The following C8orf34 variants were observed in gnomAD, a reference collection of about 807,000 sequenced individuals.
The protein encoded by C8orf34 is uncharacterized protein C8orf34.
In C8orf34, 65 loss-of-function variants were observed where a neutral mutation model predicts 68.3. The ratio of observed to expected loss-of-function variants is 0.95; its 90% CI spans 0.78 to 1.17. The LOEUF (loss-of-function observed/expected upper bound fraction) is 1.17. Among genes scored for constraint, C8orf34 ranks in the 50% most tolerant of loss-of-function variants. The probability of loss-of-function intolerance (pLI) is 0.00; values close to 1 mark genes in which losing one functional copy is unlikely to be tolerated. For missense variants in C8orf34, 664 were observed against 655.4 expected, an observed-to-expected ratio of 1.01 and a Z score of -0.14; for synonymous variants, 244 against 241.2, an observed-to-expected ratio of 1.01 and a Z score of -0.11.
intron 7 of C8orf34, among the ~76,000 whole-genome samples, chr8:68,595,480 G>A (rs1337613379): frequency 1.3e-5 from 2 of 151,842 alleles, no homozygotes; most frequent in African/African-American, 4.8e-5. Flanking sequence ...TCTATTTTTT[G>A]TCTCTCAATG....
chr8:68,438,515 CT>C (rs1462045462), intron 1 of C8orf34: 1 of 152,070 alleles, frequency 6.6e-6, no homozygotes, highest in Non-Finnish European at 1.5e-5. Context: ...TGTTAGCTCT[CT>C]TAATATCTGA....
intron 10 of C8orf34, among the ~76,000 whole-genome samples, chr8:68,768,504 G>A (rs1316337504): frequency 4.6e-5 from 7 of 151,902 alleles, no homozygotes; most frequent in Admixed American, 4.6e-4. Flanking sequence ...ATTTAACCTC[G>A]TTTCTTGTAT....
intron 8 of C8orf34, among the ~76,000 whole-genome samples, chr8:68,684,823 TTTTA>T (rs917585103): frequency 3.3e-5 from 5 of 152,006 alleles, no homozygotes; most frequent in Non-Finnish European, 7.4e-5. Context: ...CCCTTTTTGG[TTTTA>T]TTTGAGACTG....
intron 8 of C8orf34, among the ~76,000 whole-genome samples, chr8:68,706,148 C>G (rs559542641): frequency 1.3e-5 from 2 of 152,264 alleles, no homozygotes; most frequent in South Asian, 4.1e-4. Flanking sequence ...TTATAGTCAC[C>G]AATCCTAGAA....
At chr8:68,752,807 C>T (rs760700106) in intron 10 of C8orf34, among the ~76,000 whole-genome samples, 8 of 151,980 alleles carry the variant, frequency 5.3e-5, no homozygotes, top group Non-Finnish European at 1.0e-4. Context: ...TATAAAATAG[C>T]GGTGGAATTC....
intron 3 of C8orf34, among the ~76,000 whole-genome samples, chr8:68,462,228 C>T (rs1811869937): frequency 1.3e-5 from 2 of 152,096 alleles, no homozygotes; most frequent in Non-Finnish European, 2.9e-5. Flanking sequence ...ATCAATTCAA[C>T]AAGAAGAGCT....
intron 8 of C8orf34, among the ~76,000 whole-genome samples, chr8:68,692,016 T>C (rs1045288336): frequency 5.3e-5 from 8 of 152,004 alleles, no homozygotes; most frequent in African/African-American, 1.9e-4. Context: ...GTGACAAATA[T>C]TAAATATTTG....
chr8:68,382,443 A>G (rs1808082880), intron 1 of C8orf34, among the ~76,000 whole-genome samples: 1 of 152,236 alleles, frequency 6.6e-6, no homozygotes, highest in Admixed American at 6.5e-5. Flanking sequence ...CATTCTCACT[A>G]GCCAGATTTC....
chr8:68,436,440 A>G (rs945921208), intron 1 of C8orf34, among the ~76,000 whole-genome samples: 2 of 152,192 alleles, frequency 1.3e-5, no homozygotes, highest in African/African-American at 4.8e-5. Context: ...TAAAATTAAC[A>G]CCTACATTTT....
At chr8:68,794,482 AATATAT>A (rs1242445585) in intron 12 of C8orf34, among the ~76,000 whole-genome samples, 3 of 89,392 alleles carry the variant, frequency 3.4e-5, no homozygotes, top group Admixed American at 1.1e-4. Context: ...TATAAATATA[AATATAT>A]ATATATATAT....
intron 1 of C8orf34, among the ~76,000 whole-genome samples, chr8:68,370,488 A>C (rs545766012): frequency 1.3e-5 from 2 of 152,250 alleles, no homozygotes; most frequent in East Asian, 3.9e-4. Context: ...CCTATCAAGG[A>C]GACTGTCTTG....
At chr8:68,650,818 G>T (rs1220382959) in intron 8 of C8orf34, among the ~76,000 whole-genome samples, 1 of 152,092 alleles carries the variant, frequency 6.6e-6, no homozygotes, top group Non-Finnish European at 1.5e-5. Flanking sequence ...TCCCTACCTG[G>T]CTGGCATCAT....
intron 1 of C8orf34, among the ~76,000 whole-genome samples, chr8:68,426,465 G>T (rs79977812): frequency 0.014 from 1,961 of 143,832 alleles, 43 homozygotes; most frequent in African/African-American, 0.048. Context: ...GTTGTAGTGA[G>T]CGGAGATCTT....
At chr8:68,537,213 G>A (rs1477427896) in intron 7 of C8orf34, among the ~76,000 whole-genome samples, 1 of 152,054 alleles carries the variant, frequency 6.6e-6, no homozygotes, top group Non-Finnish European at 1.5e-5. Context: ...AAAGGAGAGA[G>A]AGGGAGCACT....
chr8:68,644,595 C>T (rs1436569975), intron 8 of C8orf34, among the ~76,000 whole-genome samples: 1 of 152,140 alleles, frequency 6.6e-6, no homozygotes, highest in African/African-American at 2.4e-5. Context: ...TCAGCTAGAA[C>T]AAGGATAAGC....
At chr8:68,551,155 T>C (rs1227818356) in intron 7 of C8orf34, among the ~76,000 whole-genome samples, 1 of 151,948 alleles carries the variant, frequency 6.6e-6, no homozygotes, top group Non-Finnish European at 1.5e-5. Context: ...ATGTTACATT[T>C]TATACAATTG....
chr8:68,406,393 G>T (rs952387086), intron 1 of C8orf34, among the ~76,000 whole-genome samples: 6 of 152,066 alleles, frequency 3.9e-5, no homozygotes, highest in Non-Finnish European at 5.9e-5. Context: ...GAGGCATTCT[G>T]GGAGCCTCCT....
chr8:68,733,197 T>C (rs1313598189), intron 10 of C8orf34, among the ~76,000 whole-genome samples: 2 of 152,236 alleles, frequency 1.3e-5, no homozygotes, highest in African/African-American at 2.4e-5. Flanking sequence ...ATTAAATCTT[T>C]AATTTTTACC....
At chr8:68,644,450 G>T (rs1819105764) in intron 8 of C8orf34, among the ~76,000 whole-genome samples, 1 of 152,148 alleles carries the variant, frequency 6.6e-6, no homozygotes, top group Admixed American at 6.5e-5. Context: ...GTTCTTTTTG[G>T]AGAATCTGTC....
Sources: gnomAD v4.1 joint callset for allele counts (sites outside exome capture counted in the v4.1 genomes callset) on GRCh38, gnomAD v4.1.1 for gene constraint, MANE v1.5 for transcripts, NCBI Gene and HGNC (gene_info 2026-07-23, HGNC 2026-07-21) for gene names.